The following LRRTM4 variants were observed in gnomAD, a reference collection of about 807,000 sequenced individuals.
The protein encoded by LRRTM4 is leucine rich repeat transmembrane neuronal 4.
LRRTM4 carries 25 observed loss-of-function variants against 47.6 expected under a neutral mutation model. The ratio of observed to expected loss-of-function variants is 0.53; its 90% CI spans 0.38 to 0.73. The LOEUF (loss-of-function observed/expected upper bound fraction) is 0.73, where lower values mean the gene tolerates loss of function less well. LRRTM4 is among the 30% of genes least tolerant of loss of function. The pLI is 0.00. For synonymous variants in LRRTM4, 311 were observed against 269.5 expected, an observed-to-expected ratio of 1.15 and a Z score of -1.51; for missense variants, 638 against 713.4, an observed-to-expected ratio of 0.89 and a Z score of 1.20.
intron 3 of LRRTM4, among the ~76,000 whole-genome samples, chr2:77,251,215 A>G (rs866251513): frequency 3.2e-5 from 1 of 31,346 alleles, no homozygotes; most frequent in Non-Finnish European, 6.8e-5. Flanking sequence ...ATATGTATAT[A>G]TGTGTATATA....
At chr2:77,159,530 A>G (rs932561955) in intron 3 of LRRTM4, among the ~76,000 whole-genome samples, 2 of 151,768 alleles carry the variant, frequency 1.3e-5, no homozygotes, top group African/African-American at 4.8e-5. Flanking sequence ...ATGGAAAAAA[A>G]AAAAAAGAAA....
chr2:77,310,060 T>C (rs1416541974), intron 3 of LRRTM4, among the ~76,000 whole-genome samples: 1 of 152,184 alleles, frequency 6.6e-6, no homozygotes, highest in Non-Finnish European at 1.5e-5. Context: ...AAAACTTTTT[T>C]TGGCTCTGGG....
chr2:77,421,813 G>C lies in LRRTM4; in HGVS notation c.1551+96505C>G, dbSNP rs540378450. Among the ~76,000 whole-genome samples the C allele has an allele frequency of 2.0e-5, 3 of 152,158 alleles. No homozygotes were observed. In the South Asian group the frequency reaches 6.2e-4, roughly 32 times the overall value. On this transcript the variant is annotated intron_variant, in intron 3 of 3. Transcript: ENST00000409884. ...AGTCCAAAACCGTCAATAACACCAG[G>C]GTTGAGAAATCTTGAGATAACGATA...
chr2:76,905,720 G>A (rs1205612028), intron 3 of LRRTM4, among the ~76,000 whole-genome samples: 1 of 150,140 alleles, frequency 6.7e-6, no homozygotes, highest in Non-Finnish European at 1.5e-5. Flanking sequence ...AGGAGCCGAT[G>A]CGATCAACTG....
chr2:76,978,043 C>A (rs1676476857), intron 3 of LRRTM4, among the ~76,000 whole-genome samples: 1 of 151,990 alleles, frequency 6.6e-6, no homozygotes, highest in Admixed American at 6.6e-5. Context: ...AAACCCATGG[C>A]TAAGGAGTCT....
intron 3 of LRRTM4, among the ~76,000 whole-genome samples, chr2:77,166,193 G>T (rs1347531207): frequency 6.6e-6 from 1 of 152,140 alleles, no homozygotes; most frequent in Non-Finnish European, 1.5e-5. Flanking sequence ...AATCATGAGT[G>T]AACTCCCATT....
At chr2:77,351,774 G>T (rs890414196) in intron 3 of LRRTM4, among the ~76,000 whole-genome samples, 1 of 151,694 alleles carries the variant, frequency 6.6e-6, no homozygotes, top group Non-Finnish European at 1.5e-5. Context: ...AGGAGGAAGG[G>T]GCCAAGTAAA....
chr2:76,804,882 A>T (rs1055697238), intron 3 of LRRTM4, among the ~76,000 whole-genome samples: 8 of 151,734 alleles, frequency 5.3e-5, no homozygotes, highest in African/African-American at 1.9e-4. Flanking sequence ...AGCCTGCCAC[A>T]AGATAATTTA....
chr2:77,433,864 A>G (rs1207356503), intron 3 of LRRTM4, among the ~76,000 whole-genome samples: 1 of 152,160 alleles, frequency 6.6e-6, no homozygotes, highest in Non-Finnish European at 1.5e-5. Context: ...AGAGAAGAGC[A>G]GAAGAATTAA....
intron 3 of LRRTM4, among the ~76,000 whole-genome samples, chr2:77,487,722 A>C: frequency 6.6e-6 from 1 of 152,158 alleles, no homozygotes; most frequent in Admixed American, 6.5e-5. Flanking sequence ...CCAGGCTGCC[A>C]GTTCCCCGGA....
chr2:77,162,532 T>A (rs1218688121), intron 3 of LRRTM4, among the ~76,000 whole-genome samples: 1 of 152,100 alleles, frequency 6.6e-6, no homozygotes, highest in Non-Finnish European at 1.5e-5. Flanking sequence ...CTCAAGTGGG[T>A]CCCTGACCCT....
intron 3 of LRRTM4, among the ~76,000 whole-genome samples, chr2:77,231,597 A>G (rs947481997): frequency 1.4e-4 from 22 of 152,162 alleles, no homozygotes; most frequent in African/African-American, 5.1e-4. Context: ...CTGGTAATTT[A>G]TAGAGAAAAA....
At chr2:77,369,918 C>T (rs1237114611) in intron 3 of LRRTM4, among the ~76,000 whole-genome samples, 1 of 151,680 alleles carries the variant, frequency 6.6e-6, no homozygotes, top group Non-Finnish European at 1.5e-5. Flanking sequence ...TCTTATGGTA[C>T]CACCATTGTA....
intron 3 of LRRTM4, among the ~76,000 whole-genome samples, chr2:76,939,965 T>C (rs887694190): frequency 1.6e-4 from 25 of 152,118 alleles, no homozygotes; most frequent in Non-Finnish European, 3.5e-4. Context: ...GGTTCAAATA[T>C]TCTTTTCTTT....
intron 3 of LRRTM4, among the ~76,000 whole-genome samples, chr2:77,170,500 C>A (rs955075134): frequency 2.6e-5 from 4 of 152,110 alleles, no homozygotes; most frequent in African/African-American, 9.7e-5. Flanking sequence ...TCTAGAGAAA[C>A]CTGGGTGAGA....
At chr2:76,979,696 C>CAATAGATAGATAGATAGATA (rs1491210096) in intron 3 of LRRTM4, among the ~76,000 whole-genome samples, 2 of 146,452 alleles carry the variant, frequency 1.4e-5, no homozygotes, top group African/African-American at 5.2e-5. Flanking sequence ...AGAGTATAAG[C>CAATAGATAGATAGATAGATA]GATAGATAGA....
At chr2:76,797,676 G>T (rs1675420265) in intron 3 of LRRTM4, among the ~76,000 whole-genome samples, 1 of 151,296 alleles carries the variant, frequency 6.6e-6, no homozygotes, top group Non-Finnish European at 1.5e-5. Context: ...CTGGCAAATT[G>T]GATAAAGAGT....
At chr2:76,802,163 G>A (rs936196401) in intron 3 of LRRTM4, among the ~76,000 whole-genome samples, 1 of 151,306 alleles carries the variant, frequency 6.6e-6, no homozygotes, top group Non-Finnish European at 1.5e-5. Context: ...ATCTAAACTG[G>A]AGAGGAATAA....
intron 3 of LRRTM4, among the ~76,000 whole-genome samples, chr2:77,194,720 C>A (rs1045038354): frequency 6.6e-6 from 1 of 152,080 alleles, no homozygotes; most frequent in Non-Finnish European, 1.5e-5. Context: ...ACTCTGACCC[C>A]TAACCTATGG....
Sources: allele counts gnomAD v4.1 joint callset (sites outside exome capture counted in the v4.1 genomes callset), GRCh38; gene constraint gnomAD v4.1.1; transcripts MANE v1.5; gene names NCBI Gene and HGNC (gene_info 2026-07-23, HGNC 2026-07-21).